Variants in DDX60L observed in about 807,000 individuals in gnomAD.
The protein encoded by DDX60L is DExD/H-box 60 like.
A neutral mutation model predicts 211.6 loss-of-function variants in DDX60L; 191 were observed. The observed-to-expected ratio is 0.90, with a 90% CI of 0.80 to 1.02. The LOEUF (loss-of-function observed/expected upper bound fraction) is 1.02. DDX60L is among the 50% of genes least tolerant of loss of function. The pLI is 0.00. For missense variants in DDX60L, 2,007 were observed against 1,984.1 expected (o/e 1.01, Z -0.22); for synonymous variants, 706 against 694.1 (o/e 1.02, Z -0.27).
At chr4:168,455,272 T>TTGTG (rs34353821) in intron 7 of DDX60L, among the ~76,000 whole-genome samples, 25 of 144,180 alleles carry the variant, frequency 1.7e-4, no homozygotes, top group East Asian at 4.0e-4. Flanking sequence ...CATACAAACT[T>TTGTG]TGTGTGTGTG....
chr4:168,473,703 A>G (rs569342934), intron 1 of DDX60L, among the ~76,000 whole-genome samples: 1 of 152,294 alleles, frequency 6.6e-6, no homozygotes, highest in African/African-American at 2.4e-5. Context: ...CAGGTAGAGG[A>G]AATCACTGAA....
chr4:168,472,614 A>G (rs1304005847), intron 2 of DDX60L, 82 bp downstream of exon 2: 2 of 1,587,330 alleles, frequency 1.3e-6, no homozygotes, highest in East Asian at 2.2e-5. Context: ...TAGACATCCA[A>G]TTACTTTGTA....
chr4:168,394,652 T>C (rs1745459759), intron 27 of DDX60L, 35 bp from the exon 28 acceptor site: 5 of 1,550,638 alleles, frequency 3.2e-6, no homozygotes, highest in African/African-American at 1.4e-5. Flanking sequence ...CAATTGATGA[T>C]GTATTTTATT....
At chr4:168,410,692 T>C (rs1218557112) in intron 22 of DDX60L, among the ~76,000 whole-genome samples, 2 of 152,160 alleles carry the variant, frequency 1.3e-5, no homozygotes, top group African/African-American at 4.8e-5. Context: ...CAGGAGAAAT[T>C]AATGTCTTCC....
chr4:168,422,455 G>A, intron 16 of DDX60L, 69 bp downstream of exon 16: 1 of 1,472,288 alleles, frequency 6.8e-7, no homozygotes, highest in Non-Finnish European at 9.2e-7. Context: ...AATTTGACAT[G>A]TAGAGACACA....
At chr4:168,477,930 T>C (rs1249527984) in intron 1 of DDX60L, among the ~76,000 whole-genome samples, 1 of 152,044 alleles carries the variant, frequency 6.6e-6, no homozygotes, top group African/African-American at 2.4e-5. Flanking sequence ...AAAGCAGAGC[T>C]GGAAAGAAGA....
chr4:168,393,665 C>T (rs1341021851), intron 28 of DDX60L, among the ~76,000 whole-genome samples: 1 of 152,124 alleles, frequency 6.6e-6, no homozygotes, highest in Non-Finnish European at 1.5e-5. Flanking sequence ...GATGTCCTTA[C>T]CCTCTTCCAA....
chr4:168,381,294 G>A (rs1237976153), intron 30 of DDX60L, among the ~76,000 whole-genome samples: 1 of 152,102 alleles, frequency 6.6e-6, no homozygotes, highest in African/African-American at 2.4e-5. Context: ...ACATTTCAGA[G>A]ACCTTTGCAG....
At chr4:168,464,676 G>C (rs2150114021) in intron 4 of DDX60L, among the ~76,000 whole-genome samples, 1 of 152,100 alleles carries the variant, frequency 6.6e-6, no homozygotes, top group South Asian at 2.1e-4. Flanking sequence ...GATCACATCA[G>C]ACACAATTAT....
rs552300484 is a variant in DDX60L, at chr4:168,403,688, C to G, written c.3338+294G>C. ...CAATTTAGTTCCTAAAGGAACATTT[C>G]TAAAGTTAATGATAGTTGCTTACAA... On this transcript the variant is annotated intron_variant, in intron 25 of 37. Transcript: ENST00000682922. Among the ~76,000 whole-genome samples, 3 of 152,182 alleles carry G rather than the reference C, an allele frequency of 2.0e-5. No homozygotes were observed. In the South Asian group the frequency reaches 6.2e-4, roughly 32 times the overall value.
At chr4:168,412,490 G>A (rs1304772393) in intron 22 of DDX60L, among the ~76,000 whole-genome samples, 1 of 152,008 alleles carries the variant, frequency 6.6e-6, no homozygotes, top group Non-Finnish European at 1.5e-5. Flanking sequence ...TGGTCACAGA[G>A]AGAGACTCCT....
chr4:168,360,994 C>G (rs941020686), intron 37 of DDX60L, among the ~76,000 whole-genome samples, 155 bp downstream of exon 37: 2 of 152,172 alleles, frequency 1.3e-5, no homozygotes, highest in Admixed American at 1.3e-4. Context: ...GTCTACAGAG[C>G]CTTTGGATAG....
At chr4:168,383,017 C>T (rs577430924) in intron 30 of DDX60L, among the ~76,000 whole-genome samples, 3 of 152,278 alleles carry the variant, frequency 2.0e-5, no homozygotes, top group South Asian at 2.1e-4. Context: ...TTGTAGCTGA[C>T]AGTTCTGAGA....
intron 36 of DDX60L, among the ~76,000 whole-genome samples, chr4:168,369,127 A>G (rs559873025): frequency 7.8e-4 from 118 of 152,256 alleles, no homozygotes; most frequent in African/African-American, 2.6e-3. Context: ...AGAATGATAT[A>G]GTTTGCCTGT....
chr4:168,359,932 C>T (rs1250928916), intron 37 of DDX60L, among the ~76,000 whole-genome samples: 2 of 152,160 alleles, frequency 1.3e-5, no homozygotes, highest in Non-Finnish European at 2.9e-5. Context: ...ATTCTCCCTG[C>T]TTAAAATCTG....
At chr4:168,369,200 C>G (rs939281809) in intron 36 of DDX60L, among the ~76,000 whole-genome samples, 1 of 152,092 alleles carries the variant, frequency 6.6e-6, no homozygotes, top group Non-Finnish European at 1.5e-5. Context: ...ATGGGAGGAA[C>G]CCGGTGCGAG....
At chr4:168,360,581 A>C (rs1402568717) in intron 37 of DDX60L, among the ~76,000 whole-genome samples, 1 of 152,254 alleles carries the variant, frequency 6.6e-6, no homozygotes, top group Non-Finnish European at 1.5e-5. Flanking sequence ...ACTAGAGGTA[A>C]GGAAAATGGA....
intron 22 of DDX60L, among the ~76,000 whole-genome samples, chr4:168,407,754 A>T (rs996942671): frequency 2.6e-5 from 4 of 152,212 alleles, no homozygotes; most frequent in Admixed American, 1.3e-4. Context: ...GAAAGCAAAG[A>T]AAGGCTGTTT....
chr4:168,422,323 C>T (rs1247438699), intron 16 of DDX60L, among the ~76,000 whole-genome samples: 1 of 152,148 alleles, frequency 6.6e-6, no homozygotes, highest in African/African-American at 2.4e-5. Context: ...AGTATAACTT[C>T]CACTGATGGT....
Sources: gnomAD v4.1 joint callset for allele counts (sites outside exome capture counted in the v4.1 genomes callset) on GRCh38, gnomAD v4.1.1 for gene constraint, MANE v1.5 for transcripts, NCBI Gene and HGNC (gene_info 2026-07-23, HGNC 2026-07-21) for gene names.